The following SCD5 variants were observed in gnomAD, a reference collection of about 807,000 sequenced individuals.
SCD5 encodes the protein stearoyl-CoA desaturase 5, also known as acyl-CoA-desaturase 4.
Under a neutral mutation model 30.4 loss-of-function variants are expected in SCD5, and 20 were observed. The observed-to-expected ratio is 0.66, with a 90% CI of 0.46 to 0.96. The LOEUF (loss-of-function observed/expected upper bound fraction) is 0.96, where lower values mean the gene tolerates loss of function less well. Ranked by LOEUF, SCD5 falls within the 40% of genes least tolerant of loss-of-function variation. SCD5 has a pLI of 0.00. For missense variants in SCD5, 381 were observed against 443.3 expected (o/e 0.86, Z 1.26); for synonymous variants, 173 against 176.4 (o/e 0.98, Z 0.16).
intron 1 of SCD5, among the ~76,000 whole-genome samples, chr4:82,785,447 A>G (rs1241064691): frequency 6.6e-6 from 1 of 152,194 alleles, no homozygotes; most frequent in Non-Finnish European, 1.5e-5. Context: ...CTCCAGACTC[A>G]AAGTCCTTTT....
chr4:82,735,965 T>C (rs1321092941), intron 1 of SCD5, among the ~76,000 whole-genome samples: 1 of 152,204 alleles, frequency 6.6e-6, no homozygotes, highest in African/African-American at 2.4e-5. Flanking sequence ...TATATCAGCC[T>C]TTCTATTTGT....
intron 3 of SCD5, among the ~76,000 whole-genome samples, chr4:82,658,467 C>CCTT (rs1553914592): frequency 9.5e-6 from 1 of 105,548 alleles, no homozygotes; most frequent in Non-Finnish European, 1.8e-5. Context: ...GGTGGATAAG[C>CCTT]TTTTTTTTTT....
chr4:82,636,971 T>C (rs1577999498), intron 3 of SCD5, 148 bp from the exon 4 acceptor site: 1 of 658,380 alleles, frequency 1.5e-6, no homozygotes. Flanking sequence ...GGAAGCCTGT[T>C]GTGTAGGGGT....
At chr4:82,715,302 G>C (rs981350881) in intron 1 of SCD5, among the ~76,000 whole-genome samples, 10 of 151,472 alleles carry the variant, frequency 6.6e-5, no homozygotes, top group Non-Finnish European at 1.3e-4. Context: ...GAAGATGAGT[G>C]ATAATGAGCG....
chr4:82,695,645 T>C (rs1241832106), intron 2 of SCD5, among the ~76,000 whole-genome samples: 2 of 152,196 alleles, frequency 1.3e-5, no homozygotes, highest in African/African-American at 4.8e-5. Flanking sequence ...ATAAGAGATG[T>C]CACATGGGTA....
chr4:82,786,427 T>G lies in SCD5; in HGVS notation c.232+11879A>C, dbSNP rs79213244. On this transcript the variant is annotated intron_variant, in intron 1 of 4. Transcript: ENST00000319540. Reference sequence around the variant, plus strand: ...TAGTGATATAGGAAGAAAATAAATTTAAACCTGATTTCTAAACTCTATTCA... The same window carrying G: ...TAGTGATATAGGAAGAAAATAAATTGAAACCTGATTTCTAAACTCTATTCA... 6.4e-3 allele frequency among the ~76,000 whole-genome samples: 980 copies of G among 152,282 alleles called. 9 individuals are homozygous for G. Among genetic ancestry groups the G allele is most frequent in the African/African-American group, 0.022 (915 of 41,552 alleles).
intron 1 of SCD5, among the ~76,000 whole-genome samples, chr4:82,707,044 A>G (rs1719985655): frequency 6.6e-6 from 1 of 152,212 alleles, no homozygotes; most frequent in East Asian, 1.9e-4. Context: ...TGACAGTGCT[A>G]ATTCTCTGTT....
rs1472969624 is a variant in SCD5 at position 82,705,369 on chromosome 4, C to A, written c.277G>T (p.Ala93Ser). 1 of 1,614,230 alleles carries A rather than the reference C, an allele frequency of 6.2e-7. No individual in the cohort carries two copies. Among genetic ancestry groups the A allele is most frequent in the African/African-American group, 1.3e-5 (1 of 75,064 alleles). The change falls in exon 2 of 5, where the codon GCC (alanine) becomes TCC (serine). Residue 93 changes from alanine to serine, a missense_variant. Transcript: ENST00000319540. ...LLAALGVTAG[A>S]HRLWSHRSYR... ...GACCTGTGGCTCCACAAGCGATGGG[C>A]ACCAGCTGTCACACCCAGAGCGGCC...
chr4:82,636,927 G>A, intron 3 of SCD5, 104 bp from the exon 4 acceptor site: 2 of 932,216 alleles, frequency 2.1e-6, no homozygotes, highest in South Asian at 1.8e-5. Flanking sequence ...GGAGAGAACT[G>A]TGCCAGTCAG....
chr4:82,798,618 G>A lies in SCD5; in HGVS notation c.-81C>T. On this transcript the variant is annotated 5_prime_UTR_variant, in exon 1 of 5. Coordinates refer to ENST00000319540, the MANE Select transcript of SCD5 (RefSeq NM_001037582.3). ...GCGGAGCTCGAGGGTGGGGGCGGGGGCTTCTGCCTTTTAGGGGGGAATTCT... is the reference window on the plus strand; with the variant it reads ...GCGGAGCTCGAGGGTGGGGGCGGGGACTTCTGCCTTTTAGGGGGGAATTCT... The A allele has an allele frequency of 1.6e-6, 2 of 1,282,304 alleles. No individual in the cohort carries two copies. Among genetic ancestry groups the A allele is most frequent in the South Asian group, 3.0e-5 (2 of 65,576 alleles). The allele number at this position is 1,282,304 out of a possible 1,614,324, so 79.4% of individuals were successfully genotyped here. A position where few individuals can be genotyped will look rare whatever the true frequency, so the allele number is the denominator to read the frequency against.
At chr4:82,731,855 T>TGGAA (rs1720650023) in intron 1 of SCD5, among the ~76,000 whole-genome samples, 1 of 152,182 alleles carries the variant, frequency 6.6e-6, no homozygotes, top group South Asian at 2.1e-4. Context: ...GTAAAGTGAC[T>TGGAA]GGAACTCCTA....
At chr4:82,743,770 G>A (rs537701779) in intron 1 of SCD5, among the ~76,000 whole-genome samples, 15 of 151,498 alleles carry the variant, frequency 9.9e-5, no homozygotes, top group African/African-American at 1.9e-4. Context: ...AATCCCCCCC[G>A]CCTTGGTCTC....
In SCD5 at chr4:82,680,741, G is replaced by T. The variant is rs1268914775; in HGVS notation, c.535C>A (p.Leu179Met). The change falls in exon 3 of 5, where the codon CTG becomes ATG. Residue 179 changes from leucine (L) to methionine (M), a missense_variant. Transcript: ENST00000319540. The stretch of plus-strand genomic sequence containing the variant: ...ATCCGGACCACAGGATCAGCAAGCA[G>T]GTCAGTGACGTCAAGCTTTCTCCCC... Reference protein sequence around the residue: ...EKGRKLDVTDLLADPVVRIQR... With the variant: ...EKGRKLDVTDMLADPVVRIQR... 1 of 1,614,096 alleles carries T rather than the reference G, an allele frequency of 6.2e-7. No individual in the cohort carries two copies. The highest frequency in any genetic ancestry group is 1.7e-5 in the Admixed American group (1 of 60,020).
chr4:82,744,988 G>A (rs1310250228), intron 1 of SCD5, among the ~76,000 whole-genome samples: 3 of 152,086 alleles, frequency 2.0e-5, no homozygotes, highest in Non-Finnish European at 4.4e-5. Flanking sequence ...ATGAGGACAG[G>A]GAGAAAAAAC....
At chr4:82,683,624 G>A (rs1728628029) in intron 2 of SCD5, among the ~76,000 whole-genome samples, 1 of 152,132 alleles carries the variant, frequency 6.6e-6, no homozygotes, top group South Asian at 2.1e-4. Context: ...GCTTGATATG[G>A]TTTGGCACTG....
intron 1 of SCD5, among the ~76,000 whole-genome samples, chr4:82,795,115 T>G (rs1331276959): frequency 6.6e-6 from 1 of 152,190 alleles, no homozygotes; most frequent in Non-Finnish European, 1.5e-5. Context: ...AACAATTTGA[T>G]GGCTCTTTCA....
intron 1 of SCD5, among the ~76,000 whole-genome samples, chr4:82,779,684 T>A (rs1166775680): frequency 6.6e-6 from 1 of 152,228 alleles, no homozygotes; most frequent in Non-Finnish European, 1.5e-5. Context: ...AACAGCTCTG[T>A]GACCTTGGGC....
intron 1 of SCD5, among the ~76,000 whole-genome samples, chr4:82,736,020 T>C (rs1231764032): frequency 6.6e-6 from 1 of 152,230 alleles, no homozygotes; most frequent in East Asian, 1.9e-4. Flanking sequence ...GCACAGTGGC[T>C]CAGGCCTGCA....
intron 1 of SCD5, among the ~76,000 whole-genome samples, chr4:82,730,611 A>T: frequency 8.9e-6 from 1 of 112,034 alleles, no homozygotes; most frequent in African/African-American, 3.7e-5. Context: ...TTTTAGAAGG[A>T]GTCTCACTCT....
Sources: allele counts gnomAD v4.1 joint callset (sites outside exome capture counted in the v4.1 genomes callset), GRCh38; gene constraint gnomAD v4.1.1; transcripts MANE v1.5; gene names NCBI Gene and HGNC (gene_info 2026-07-23, HGNC 2026-07-21).